TSNAX: variants seen among roughly 807,000 people sequenced by gnomAD.
TSNAX encodes the protein translin associated factor X, also known as translin-associated protein X.
A neutral mutation model predicts 33.0 loss-of-function variants in TSNAX; 12 were observed. The observed-to-expected ratio is 0.36, with a 90% CI of 0.23 to 0.59. TSNAX has a LOEUF of 0.59. Among genes scored for constraint, TSNAX ranks in the 20% least tolerant of loss-of-function variants. The pLI is 0.74. For synonymous variants in TSNAX, 110 were observed against 117.2 expected (o/e 0.94, Z 0.40); for missense variants, 267 against 341.3 (o/e 0.78, Z 1.72).
At chr1:231,549,997 C>T (rs1660194364) in intron 4 of TSNAX, among the ~76,000 whole-genome samples, 1 of 152,182 alleles carries the variant, frequency 6.6e-6, no homozygotes. Context: ...TATCTTTTCC[C>T]TGGGTCTTCA....
chr1:231,528,749 C>G lies in TSNAX; in HGVS notation c.-62C>G. ...TCCCAGGTTCCCTCGGCCTGTACCTCGCGCACTCCTCTTGCTCCAGGTCCT... is the reference window on the plus strand; with the variant it reads ...TCCCAGGTTCCCTCGGCCTGTACCTGGCGCACTCCTCTTGCTCCAGGTCCT... On this transcript the variant is annotated 5_prime_UTR_variant, in exon 1 of 6. Coordinates refer to ENST00000366639, the MANE Select transcript of TSNAX (RefSeq NM_005999.3). The G allele has an allele frequency of 6.2e-7, 1 of 1,607,614 alleles. No individual in the cohort carries two copies. The highest frequency in any genetic ancestry group is 1.8e-4 in the Middle Eastern group (1 of 5,660).
At chr1:231,557,815 T>G (rs1206084071) in intron 4 of TSNAX, among the ~76,000 whole-genome samples, 2 of 152,114 alleles carry the variant, frequency 1.3e-5, no homozygotes, top group Non-Finnish European at 1.5e-5. Context: ...GAAGGAGAAG[T>G]AATACCATTA....
intron 2 of TSNAX, chr1:231,536,359 TAAAC>T (rs1217668799): frequency 1.3e-5 from 2 of 152,340 alleles, no homozygotes; most frequent in South Asian, 2.1e-4. Flanking sequence ...CTTTCTAAAA[TAAAC>T]GGGCTAACTA....
chr1:231,555,850 A>G (rs1042323890), intron 4 of TSNAX, among the ~76,000 whole-genome samples: 1 of 152,174 alleles, frequency 6.6e-6, no homozygotes, highest in Admixed American at 6.5e-5. Flanking sequence ...GTAGATGTCC[A>G]TTTGTAGAAT....
At chr1:231,561,858 A>G (rs2124947628) in intron 5 of TSNAX, among the ~76,000 whole-genome samples, 1 of 152,292 alleles carries the variant, frequency 6.6e-6, no homozygotes, top group Non-Finnish European at 1.5e-5. Context: ...GACACGTAAT[A>G]TACATTATAT....
chr1:231,547,575 G>C (rs958800435), intron 4 of TSNAX, among the ~76,000 whole-genome samples: 2 of 151,304 alleles, frequency 1.3e-5, no homozygotes, highest in Non-Finnish European at 2.9e-5. Context: ...ATTTTTAGTA[G>C]AGGTGGGGTT....
intron 4 of TSNAX, among the ~76,000 whole-genome samples, chr1:231,556,695 A>G (rs199798288): frequency 1.3e-4 from 20 of 152,134 alleles, no homozygotes; most frequent in Non-Finnish European, 2.4e-4. Flanking sequence ...CTGTCTCCCT[A>G]CCTACCTATT....
At chr1:231,560,017 C>A (rs1201198646) in intron 4 of TSNAX, among the ~76,000 whole-genome samples, 1 of 150,844 alleles carries the variant, frequency 6.6e-6, no homozygotes, top group Non-Finnish European at 1.5e-5. Flanking sequence ...TCTCGCTCTG[C>A]CGCCTAGGCC....
chr1:231,553,598 G>C (rs1188109760), intron 4 of TSNAX, among the ~76,000 whole-genome samples: 3 of 151,540 alleles, frequency 2.0e-5, no homozygotes, highest in Non-Finnish European at 4.4e-5. Flanking sequence ...ACCTACATGT[G>C]ACCAAAAATG....
chr1:231,544,522 G>A (rs546124785), intron 4 of TSNAX, among the ~76,000 whole-genome samples: 1 of 152,280 alleles, frequency 6.6e-6, no homozygotes, highest in East Asian at 1.9e-4. Context: ...TTCATGTTTA[G>A]ACTTCTCAAT....
rs769366885 is a variant in TSNAX, at chr1:231,564,696, C to T, written c.664C>T (p.Arg222Cys). ...CCCCTTTGAAGTGAGCCAGTTTTTA[C>T]GTCAGGTTTATGATGGGTTTTCATT... ...DTPFEVSQFL[R>C]QVYDGFSFIG... The change falls in exon 6 of 6, where the codon CGT (arginine) becomes TGT (cysteine). Residue 222 changes from arginine to cysteine, a missense_variant. Arg to Cys is a radical substitution (Grantham distance 180). This residue lies in a region of TSNAX where 67 missense variants were observed against 127.2 expected (regional missense o/e 0.53). Coordinates refer to ENST00000366639, the MANE Select transcript of TSNAX (RefSeq NM_005999.3). The T allele has an allele frequency of 8.1e-6, 13 of 1,613,948 alleles. No individual in the cohort carries two copies. Among genetic ancestry groups the T allele is most frequent in the African/African-American group, 4.0e-5 (3 of 74,884 alleles).
intron 4 of TSNAX, among the ~76,000 whole-genome samples, chr1:231,543,522 G>A (rs1003366175): frequency 3.9e-5 from 6 of 152,002 alleles, no homozygotes; most frequent in Non-Finnish European, 8.8e-5. Flanking sequence ...GGACCATTTC[G>A]GATTTAGGAT....
chr1:231,532,815 C>T (rs183362044), intron 2 of TSNAX, among the ~76,000 whole-genome samples: 1 of 152,196 alleles, frequency 6.6e-6, no homozygotes, highest in Admixed American at 6.5e-5. Flanking sequence ...TTTTTGATTT[C>T]CATGTAATTT....
In TSNAX at chr1:231,564,648, G is replaced by T. The variant is rs757585498; in HGVS notation, c.616G>T (p.Val206Leu). The change falls in exon 6 of 6, where the codon GTG becomes TTG. Residue 206 changes from valine to leucine, a missense_variant. Val to Leu is a conservative substitution (Grantham distance 32). Around this residue, in one of 2 missense-constraint regions of TSNAX, gnomAD observed 67 missense variants for 127.2 expected, o/e 0.53. Coordinates refer to ENST00000366639, the MANE Select transcript of TSNAX (RefSeq NM_005999.3). ...ATTGATGCGGATGTGTATTAACAGT[G>T]TGGGGAATGGGGACATTGATACCCC... is the stretch of plus-strand genomic sequence containing the variant. ...GELMRMCINS[V>L]GNGDIDTPFE... 6.2e-7 allele frequency: 1 copy of T among 1,614,180 alleles called. No individual in the cohort carries two copies. Among genetic ancestry groups the T allele is most frequent in the Non-Finnish European group, 8.5e-7 (1 of 1,180,032 alleles).
intron 4 of TSNAX, among the ~76,000 whole-genome samples, chr1:231,550,708 C>T (rs1449813766): frequency 1.3e-5 from 2 of 152,062 alleles, no homozygotes; most frequent in East Asian, 3.9e-4. Context: ...TCCTTTCGTC[C>T]CCTATTGGTT....
chr1:231,543,157 G>A lies in TSNAX; in HGVS notation c.367+546G>A, dbSNP rs575993111. Among the ~76,000 whole-genome samples, 22 of 151,350 alleles carry A rather than the reference G, an allele frequency of 1.5e-4. No individual in the cohort carries two copies. The South Asian group carries it at 2.3e-3, about 16-fold the overall frequency. Reference sequence around the variant, plus strand: ...CGCACCACTGCACTCCAGCCTGGGCGTCAGCACAAGACTCCGTCTCAAAAA... The same window carrying A: ...CGCACCACTGCACTCCAGCCTGGGCATCAGCACAAGACTCCGTCTCAAAAA... On this transcript the variant is annotated intron_variant, in intron 4 of 5. Coordinates refer to ENST00000366639, the MANE Select transcript of TSNAX (RefSeq NM_005999.3).
At chr1:231,549,177 G>A (rs1423705625) in intron 4 of TSNAX, among the ~76,000 whole-genome samples, 1 of 152,206 alleles carries the variant, frequency 6.6e-6, no homozygotes, top group Non-Finnish European at 1.5e-5. Flanking sequence ...TGACTCTGAT[G>A]GCTCACGCCT....
chr1:231,551,883 T>A (rs954340188), intron 4 of TSNAX, among the ~76,000 whole-genome samples: 1 of 151,800 alleles, frequency 6.6e-6, no homozygotes, highest in Non-Finnish European at 1.5e-5. Flanking sequence ...TCCTAGTTAC[T>A]GGGGAGGCTA....
At chr1:231,544,728 A>G (rs1437534431) in intron 4 of TSNAX, among the ~76,000 whole-genome samples, 10 of 152,258 alleles carry the variant, frequency 6.6e-5, no homozygotes, top group Non-Finnish European at 1.2e-4. Flanking sequence ...TGATACCAAA[A>G]GCAACCTAGA....
Sources: gnomAD v4.1 joint callset for allele counts (sites outside exome capture counted in the v4.1 genomes callset) on GRCh38, gnomAD v4.1.1 for gene constraint, gnomAD v4.1.1 regional missense constraint, MANE v1.5 for transcripts, NCBI Gene and HGNC (gene_info 2026-07-23, HGNC 2026-07-21) for gene names.